Variants in CIB1 observed in about 807,000 individuals in gnomAD.
CIB1 encodes the protein calcium and integrin binding 1.
CIB1 carries 19 observed loss-of-function variants against 25.0 expected under a neutral mutation model. That is an observed-to-expected ratio of 0.76 (90% CI 0.53 to 1.12). The LOEUF (loss-of-function observed/expected upper bound fraction) is 1.12, where lower values mean the gene tolerates loss of function less well. CIB1 is among the 50% of genes most tolerant of loss of function. CIB1 has a pLI of 0.00. For synonymous variants in CIB1, 104 were observed against 98.5 expected, an observed-to-expected ratio of 1.06 and a Z score of -0.33; for missense variants, 236 against 242.6, an observed-to-expected ratio of 0.97 and a Z score of 0.18.
chr15:90,253,806 C>T, the CIB1 span, among the ~76,000 whole-genome samples: 6 of 152,274 alleles, frequency 3.9e-5, no homozygotes, highest in South Asian at 2.1e-4. Context: ...AATGATCCAC[C>T]GGGGTCCACA....
the CIB1 span, chr15:90,255,710 A>T: frequency 6.2e-7 from 1 of 1,613,700 alleles, no homozygotes; most frequent in Non-Finnish European, 8.5e-7. Flanking sequence ...GGTGCTAGGA[A>T]ATGCCACTTA....
At chr15:90,255,369 T>C in the CIB1 span, among the ~76,000 whole-genome samples, 9 of 152,170 alleles carry the variant, frequency 5.9e-5, no homozygotes, top group Admixed American at 5.2e-4. Context: ...TTTTATCTTT[T>C]GTGTCTTTTG....
the CIB1 span, chr15:90,241,234 C>T: frequency 8.1e-6 from 13 of 1,614,010 alleles, no homozygotes; most frequent in Non-Finnish European, 1.1e-5. Context: ...AGGAGGCCCC[C>T]GCAGACCATC....
chr15:90,231,880 T>C (rs1835833490), intron 3 of CIB1, among the ~76,000 whole-genome samples: 1 of 152,256 alleles, frequency 6.6e-6, no homozygotes, highest in African/African-American at 2.4e-5. Context: ...CCAGGCCCTT[T>C]GCACAGAAAT....
the CIB1 span, chr15:90,257,871 C>CT: frequency 3.2e-6 from 3 of 943,420 alleles, no homozygotes; most frequent in Non-Finnish European, 4.8e-6. Flanking sequence ...CTTTGGAGCT[C>CT]TAAGTGCAGC....
In CIB1 at chr15:90,232,396, T is replaced by C. The variant is rs764554328; in HGVS notation, c.87-69A>G. 26 of 1,509,842 alleles carry C rather than the reference T, an allele frequency of 1.7e-5. No homozygotes were observed. Among genetic ancestry groups the C allele is most frequent in the African/African-American group, 2.8e-5 (2 of 72,026 alleles). The allele number at this position is 1,509,842 out of a possible 1,614,324, so 93.5% of individuals were successfully genotyped here. A position where few individuals can be genotyped will look rare whatever the true frequency, so the allele number is the denominator to read the frequency against. On this transcript the variant is annotated intron_variant, in intron 2 of 6. Transcript: ENST00000328649. ...TCCCTGTGTGTTCATTCCCACTCCT[T>C]GCCTGCTGCTCATTGTCAACCAGGT...
chr15:90,256,001 T>C, the CIB1 span: 1 of 1,569,178 alleles, frequency 6.4e-7, no homozygotes, highest in Non-Finnish European at 8.7e-7. Flanking sequence ...AATGAGAAAG[T>C]TTCAGCTGGT....
At chr15:90,258,410 G>C in the CIB1 span, 2 of 757,076 alleles carry the variant, frequency 2.6e-6, no homozygotes, top group Non-Finnish European at 4.4e-6. Context: ...ATGAGCAGAA[G>C]GCATAAGATC....
Position 90,233,653 on chromosome 15 carries a change from T to G in CIB1, c.86+16A>C. The G allele has an allele frequency of 6.4e-7, 1 of 1,572,902 alleles. No individual in the cohort carries two copies. Among genetic ancestry groups the G allele is most frequent in the Non-Finnish European group, 8.6e-7 (1 of 1,158,994 alleles). ...AGGATCCCGGGGTCGGAGGCAGGGT[T>G]CAAGGCAGCACTTACAGGAGGATCT... On this transcript the variant is annotated intron_variant, in intron 2 of 6. Coordinates refer to ENST00000328649, the MANE Select transcript of CIB1 (RefSeq NM_006384.4).
the CIB1 span, chr15:90,249,618 G>A: frequency 6.6e-6 from 1 of 152,262 alleles, no homozygotes; most frequent in Non-Finnish European, 1.5e-5. Flanking sequence ...GAACCCCTGC[G>A]GGGGAGCAGC....
the CIB1 span, chr15:90,240,755 G>A: frequency 5.0e-6 from 3 of 601,126 alleles, no homozygotes; most frequent in Admixed American, 9.3e-5. Context: ...GGAGGTTACA[G>A]TGAACCAAGA....
At chr15:90,234,160 G>C (rs1387223805), upstream of CIB1, 2 of 251,772 alleles carry the variant, frequency 7.9e-6, no homozygotes, top group Non-Finnish European at 1.3e-5. Flanking sequence ...CCCCGCCTCC[G>C]GGGTGGGAGG....
chr15:90,261,604 A>C, the CIB1 span, among the ~76,000 whole-genome samples: 1 of 150,694 alleles, frequency 6.6e-6, no homozygotes, highest in Admixed American at 6.6e-5. Context: ...ACGTGGTGAA[A>C]CCCTGTCTCT....
At chr15:90,243,339 T>G in the CIB1 span, 1 of 152,026 alleles carries the variant, frequency 6.6e-6, no homozygotes, top group African/African-American at 2.4e-5. Context: ...AAAAACACAG[T>G]GTTGTCACAA....
chr15:90,257,592 G>C, the CIB1 span: 1 of 1,573,920 alleles, frequency 6.4e-7, no homozygotes, highest in African/African-American at 1.3e-5. Context: ...GGAGAGGACG[G>C]CCGCATGCAG....
the CIB1 span, chr15:90,262,778 G>C: frequency 8.1e-7 from 1 of 1,242,162 alleles, no homozygotes; most frequent in African/African-American, 1.5e-5. Context: ...AAGAGAGAGA[G>C]GAGTTCCTAA....
the CIB1 span, among the ~76,000 whole-genome samples, chr15:90,254,811 A>C: frequency 4.9e-4 from 74 of 152,224 alleles, no homozygotes; most frequent in African/African-American, 1.3e-3. Context: ...ACACCACTGC[A>C]CTCCAGCCTG....
the CIB1 span, chr15:90,250,874 A>C: frequency 6.8e-6 from 11 of 1,613,756 alleles, no homozygotes; most frequent in Admixed American, 1.7e-4. Context: ...GAGGAAGAGA[A>C]GGCGGAAACG....
the CIB1 span, chr15:90,255,985 A>C: frequency 6.3e-7 from 1 of 1,582,106 alleles, no homozygotes; most frequent in Non-Finnish European, 8.6e-7. Flanking sequence ...AGAGGGATGG[A>C]AGTGGAATGA....
Sources: allele counts gnomAD v4.1 joint callset (sites outside exome capture counted in the v4.1 genomes callset), GRCh38; gene constraint gnomAD v4.1.1; transcripts MANE v1.5; gene names NCBI Gene and HGNC (gene_info 2026-07-23, HGNC 2026-07-21).